ACVR1B: variants seen among roughly 807,000 people sequenced by gnomAD.
The protein encoded by ACVR1B is activin A receptor type 1B, also known as activin receptor type-1B.
A neutral mutation model predicts 55.6 loss-of-function variants in ACVR1B; 15 were observed. The observed-to-expected ratio is 0.27, with a 90% CI of 0.18 to 0.42. The LOEUF (loss-of-function observed/expected upper bound fraction) is 0.42. Among genes scored for constraint, ACVR1B ranks in the 10% least tolerant of loss-of-function variants. The pLI, the probability that ACVR1B is intolerant of heterozygous loss-of-function variation, is 1.00. For missense variants in ACVR1B, 359 were observed against 670.1 expected (o/e 0.54, Z 5.13); for synonymous variants, 247 against 254.6 (o/e 0.97, Z 0.28).
rs2120701825 is a variant in ACVR1B at position 51,985,257 on chromosome 12, T to A, written c.1045T>A (p.Cys349Ser). 1.2e-6 allele frequency: 2 copies of A among 1,613,942 alleles called. No homozygotes were observed. Among genetic ancestry groups the A allele is most frequent in the Non-Finnish European group, 8.5e-7 (1 of 1,179,878 alleles). ...CATTCTGGTGAAGAAAAATGGCATG[T>A]GTGCCATAGCAGACCTGGGCCTGGC... ...KNILVKKNGM[C>S]AIADLGLAVR... The change falls in exon 6 of 9, where the codon TGT becomes AGT. Residue 349 changes from cysteine (C) to serine (S), a missense_variant. Physicochemically the swap from Cys to Ser is moderately radical, Grantham distance 112. This residue lies in a region of ACVR1B where 119 missense variants were observed against 340.2 expected (regional missense o/e 0.35). Coordinates refer to ENST00000257963, the MANE Select transcript of ACVR1B (RefSeq NM_004302.5).
intron 2 of ACVR1B, 145 bp downstream of exon 2, chr12:51,975,649 T>G (rs1941835191): frequency 8.5e-7 from 1 of 1,172,568 alleles, no homozygotes. Flanking sequence ...AGGCTGGGGT[T>G]TCTCAGCAGT....
intron 6 of ACVR1B, among the ~76,000 whole-genome samples, chr12:51,986,359 A>T (rs1025421067): frequency 5.3e-5 from 8 of 152,168 alleles, no homozygotes; most frequent in Non-Finnish European, 1.2e-4. Flanking sequence ...CCCGGGTTCA[A>T]GTGATTCTCC....
Position 51,994,476 on chromosome 12 carries a change from C to A in ACVR1B, c.*366C>A. The A allele has an allele frequency of 3.9e-6, 1 of 254,974 alleles. No homozygotes were observed. The highest frequency in any genetic ancestry group is 5.3e-5 in the Admixed American group (1 of 18,714). The allele number at this position is 254,974 out of a possible 1,614,324, so 15.8% of individuals were successfully genotyped here. On this transcript the variant is annotated 3_prime_UTR_variant, in exon 9 of 9. Transcript: ENST00000257963. This position sits in a 1 kb window ranked among gnomAD's most constrained non-coding sequence, Gnocchi z 4.2. ...CGGAGGAACCGAGGTGTTGCCAGTG[C>A]TAAGCTGCCCTGAGGGTTTCCTTCG...
intron 1 of ACVR1B, among the ~76,000 whole-genome samples, chr12:51,968,005 C>T (rs1941674275): frequency 6.6e-6 from 1 of 152,308 alleles, no homozygotes; most frequent in African/African-American, 2.4e-5. Flanking sequence ...GAGGCTGAGG[C>T]GGGTGGATCA....
At chr12:51,991,289 G>T (rs190700003) in intron 7 of ACVR1B, among the ~76,000 whole-genome samples, 4 of 152,252 alleles carry the variant, frequency 2.6e-5, no homozygotes, top group Admixed American at 2.0e-4. Flanking sequence ...TCTTTGCTCA[G>T]TTGGGAGCTT....
rs372410454 is a variant in ACVR1B at position 51,975,521 on chromosome 12, G to T, written c.331+17G>T. On this transcript the variant is annotated intron_variant, in intron 2 of 8. Transcript: ENST00000257963. ...TGCCCAGTGGTGAGTGCATGCCCTT[G>T]TTGGGCTAGTGGCTCAGCTTGGAGA... The T allele has an allele frequency of 9.9e-5, 159 of 1,600,434 alleles. No individual in the cohort carries two copies. The African/African-American group carries it at 2.0e-3, about 20-fold the overall frequency.
chr12:51,952,485 C>T (rs1415340675), intron 1 of ACVR1B, among the ~76,000 whole-genome samples: 1 of 152,346 alleles, frequency 6.6e-6, no homozygotes, highest in South Asian at 2.1e-4. Flanking sequence ...CCTCCGCCCT[C>T]CGGCACTCAT....
chr12:51,973,935 A>G (rs1024107285), intron 1 of ACVR1B, among the ~76,000 whole-genome samples: 9 of 152,256 alleles, frequency 5.9e-5, no homozygotes, highest in Non-Finnish European at 7.3e-5. Flanking sequence ...TGAGATATTT[A>G]GAATCTGTCT....
chr12:51,985,260 G>T lies in ACVR1B; in HGVS notation c.1048G>T (p.Ala350Ser). The stretch of plus-strand genomic sequence containing the variant: ...TCTGGTGAAGAAAAATGGCATGTGT[G>T]CCATAGCAGACCTGGGCCTGGCTGT... ...NILVKKNGMC[A>S]IADLGLAVRH... Residue 350 changes from alanine to serine, a missense_variant, in exon 6 of 9, where the codon GCC becomes TCC. This residue lies in a region of ACVR1B where 119 missense variants were observed against 340.2 expected (regional missense o/e 0.35). Coordinates refer to ENST00000257963, the MANE Select transcript of ACVR1B (RefSeq NM_004302.5). The T allele has an allele frequency of 6.2e-7, 1 of 1,614,036 alleles. No homozygotes were observed. The highest frequency in any genetic ancestry group is 8.5e-7 in the Non-Finnish European group (1 of 1,179,988).
chr12:51,976,377 G>C lies in ACVR1B; in HGVS notation c.382G>C (p.Val128Leu). The change falls in exon 3 of 9, where the codon GTA (valine) becomes CTA (leucine). Residue 128 changes from valine to leucine, a missense_variant. This residue lies in a region of ACVR1B where 133 missense variants were observed against 188.2 expected (regional missense o/e 0.71). Coordinates refer to ENST00000257963, the MANE Select transcript of ACVR1B (RefSeq NM_004302.5). ...HPSMWGPVEL[V>L]GIIAGPVFLL... ...GTCCATGTGGGGCCCGGTGGAGCTG[G>C]TAGGCATCATCGCCGGCCCGGTGTT... The C allele has an allele frequency of 6.2e-7, 1 of 1,614,176 alleles. No individual in the cohort carries two copies. Among genetic ancestry groups the C allele is most frequent in the Non-Finnish European group, 8.5e-7 (1 of 1,180,032 alleles).
In ACVR1B at chr12:51,993,968, C is replaced by T. The variant is rs747002387; in HGVS notation, c.1393-17C>T. The T allele has an allele frequency of 3.1e-6, 5 of 1,613,450 alleles. No homozygotes were observed. In the African/African-American group the frequency reaches 4.0e-5, roughly 13 times the overall value. The stretch of plus-strand genomic sequence containing the variant: ...CCAGGGCATGACCGAGCTGATGGCT[C>T]CTGGGTCTCTGCACAGGCACTGCGG... On this transcript the variant is annotated splice_polypyrimidine_tract_variant and intron_variant, in intron 8 of 8. Transcript: ENST00000257963.
chr12:51,972,411 A>T (rs1941762120), intron 1 of ACVR1B, among the ~76,000 whole-genome samples: 1 of 152,206 alleles, frequency 6.6e-6, no homozygotes, highest in Non-Finnish European at 1.5e-5. Flanking sequence ...TTAGATACAG[A>T]TGATTCTTGT....
At chr12:51,962,881 G>C (rs926729468) in intron 1 of ACVR1B, among the ~76,000 whole-genome samples, 10 of 152,184 alleles carry the variant, frequency 6.6e-5, no homozygotes, top group Non-Finnish European at 1.3e-4. Context: ...TGTTGAGTGA[G>C]GTTTATTGAG....
chr12:51,958,768 A>G (rs1222358036), intron 1 of ACVR1B, among the ~76,000 whole-genome samples: 1 of 152,212 alleles, frequency 6.6e-6, no homozygotes, highest in Admixed American at 6.5e-5. Flanking sequence ...TCCTATGAGA[A>G]TCTAATGCCG....
chr12:51,991,768 G>A (rs772390205), intron 7 of ACVR1B, 95 bp from the exon 8 acceptor site: 10 of 1,322,492 alleles, frequency 7.6e-6, no homozygotes, highest in Non-Finnish European at 1.0e-5. Flanking sequence ...AGGGGGTAGT[G>A]GTATTTACAG....
In ACVR1B at chr12:51,996,224, C is replaced by G. The variant is rs1341629398; in HGVS notation, c.*2114C>G. ...AAATCACTGCATTCATTCTGAGCCC[C>G]CTTCCTGTCCCCAGGGGAGGTGTAT... On this transcript the variant is annotated 3_prime_UTR_variant, in exon 9 of 9. Coordinates refer to ENST00000257963, the MANE Select transcript of ACVR1B (RefSeq NM_004302.5). 1 of 152,460 alleles carries G rather than the reference C, an allele frequency of 6.6e-6. No homozygotes were observed. Among genetic ancestry groups the G allele is most frequent in the Non-Finnish European group, 1.5e-5 (1 of 68,064 alleles). 9.4% of individuals were successfully genotyped at this position (152,460 alleles called of 1,614,324 possible). A position where few individuals can be genotyped will look rare whatever the true frequency, so the allele number is the denominator to read the frequency against.
Position 51,983,995 on chromosome 12 carries a change from G to T in ACVR1B, c.812-4G>T. 6.2e-7 allele frequency: 1 copy of T among 1,614,154 alleles called. No homozygotes were observed. On this transcript the variant is annotated splice_region_variant and splice_polypyrimidine_tract_variant and intron_variant, in intron 4 of 8. Transcript: ENST00000257963. ...TTCTGGGACTCATCTGTGGTTCTCT[G>T]CAGATAATGGCACCTGGACACAGCT...
intron 1 of ACVR1B, among the ~76,000 whole-genome samples, chr12:51,963,391 T>G (rs1231545417): frequency 6.6e-6 from 1 of 152,184 alleles, no homozygotes; most frequent in Non-Finnish European, 1.5e-5. Flanking sequence ...ATTACAGGCA[T>G]GCGCCACCGC....
At chr12:51,986,099 G>A (rs922908934) in intron 6 of ACVR1B, among the ~76,000 whole-genome samples, 2 of 152,058 alleles carry the variant, frequency 1.3e-5, no homozygotes, top group African/African-American at 2.4e-5. Flanking sequence ...AAAGCAGTTC[G>A]GAATGAAACT....
Sources: gnomAD v4.1 joint callset for allele counts (sites outside exome capture counted in the v4.1 genomes callset) on GRCh38, gnomAD v4.1.1 for gene constraint, gnomAD v4.1.1 regional missense constraint, Gnocchi (gnomAD v3.1) non-coding constraint, MANE v1.5 for transcripts, NCBI Gene and HGNC (gene_info 2026-07-23, HGNC 2026-07-21) for gene names.